FLT3LG: variants seen among roughly 807,000 people sequenced by gnomAD.
The protein encoded by FLT3LG is fms-related tyrosine kinase 3 ligand.
Under a neutral mutation model 30.9 loss-of-function variants are expected in FLT3LG, and 8 were observed. The ratio of observed to expected loss-of-function variants is 0.26; its 90% confidence interval spans 0.15 to 0.47. FLT3LG has a LOEUF of 0.47. Among genes scored for constraint, FLT3LG ranks in the 20% least tolerant of loss-of-function variants. FLT3LG has a pLI of 0.99. For synonymous variants in FLT3LG, 123 were observed against 135.9 expected, an observed-to-expected ratio of 0.91 and a Z score of 0.66; for missense variants, 278 against 306.2, an observed-to-expected ratio of 0.91 and a Z score of 0.69.
intron 2 of FLT3LG, among the ~76,000 whole-genome samples, 158 bp downstream of exon 2, chr19:49,474,830 CGGACAGAGGAGGGGGAGAT>C (rs2079317217): frequency 8.7e-6 from 1 of 114,946 alleles, no homozygotes; most frequent in Non-Finnish European, 1.7e-5. Flanking sequence ...GGAGAGGAGA[CGGACAGAGGAGGGGGAGAT>C]GGACAGAGGA....
intron 8 of FLT3LG, 69 bp downstream of exon 8, chr19:49,480,689 T>C: frequency 1.3e-6 from 2 of 1,491,848 alleles, no homozygotes; most frequent in South Asian, 1.2e-5. Context: ...TAGGAGGCCA[T>C]GGAAGGGTGG....
In FLT3LG at chr19:49,474,227, G is replaced by T; in HGVS notation, c.-92G>T. The T allele has an allele frequency of 4.5e-6, 1 of 220,566 alleles. No homozygotes were observed. Among genetic ancestry groups the T allele is most frequent in the Non-Finnish European group, 9.1e-6 (1 of 109,884 alleles). The allele number at this position is 220,566 out of a possible 1,614,324, so 13.7% of individuals were successfully genotyped here. A position where few individuals can be genotyped will look rare whatever the true frequency, so the allele number is the denominator to read the frequency against. On this transcript the variant is annotated 5_prime_UTR_variant, in exon 1 of 9. Transcript: ENST00000597551. Reference sequence around the variant, plus strand: ...CCCCCAAAAATTTCCTTTCACTTTCGGTCTCTGGCTGTCACCCGGCTTGGC... The same window carrying T: ...CCCCCAAAAATTTCCTTTCACTTTCTGTCTCTGGCTGTCACCCGGCTTGGC...
intron 6 of FLT3LG, 122 bp downstream of exon 6, chr19:49,479,169 C>T (rs927851160): frequency 2.1e-5 from 19 of 908,586 alleles, no homozygotes; most frequent in Middle Eastern, 2.4e-4. Context: ...CAAGCTTATT[C>T]CTCTTTCTGG....
intron 2 of FLT3LG, 25 bp from the exon 3 acceptor site, chr19:49,475,666 T>G: frequency 1.3e-6 from 2 of 1,598,610 alleles, no homozygotes; most frequent in Non-Finnish European, 1.7e-6. Flanking sequence ...AGCAGAGGGC[T>G]CCCCCAGCAC....
chr19:49,474,340 T>G, intron 1 of FLT3LG, 59 bp downstream of exon 1: 1 of 551,908 alleles, frequency 1.8e-6, no homozygotes, highest in East Asian at 3.1e-5. Context: ...TCCCCACTCC[T>G]GGGGCAGGGG....
intron 2 of FLT3LG, 103 bp downstream of exon 2, chr19:49,474,775 G>A (rs763948415): frequency 3.9e-5 from 48 of 1,236,584 alleles, no homozygotes; most frequent in Non-Finnish European, 5.0e-5. Context: ...GACAGATGAC[G>A]AGGAAATAGG....
chr19:49,477,926 G>A (rs976777649), intron 5 of FLT3LG, among the ~76,000 whole-genome samples: 10 of 150,878 alleles, frequency 6.6e-5, no homozygotes, highest in African/African-American at 2.4e-4. Context: ...CGCGCCTGTA[G>A]TCCCAGCTAC....
rs1450126885 is a variant in FLT3LG at position 49,476,241 on chromosome 19, C to T, written c.198+43C>T. 14 of 1,547,996 alleles carry T rather than the reference C, an allele frequency of 9.0e-6. No homozygotes were observed. Among genetic ancestry groups the T allele is most frequent in the Non-Finnish European group, 1.1e-5 (12 of 1,124,050 alleles). ...GGACCTGGGATGGAGGTGGGGACCACAGACTCAAGATGCTCCACCGAGGCG... is the reference window on the plus strand; with the variant it reads ...GGACCTGGGATGGAGGTGGGGACCATAGACTCAAGATGCTCCACCGAGGCG... On this transcript the variant is annotated intron_variant, in intron 4 of 8. Coordinates refer to ENST00000597551, the MANE Select transcript of FLT3LG (RefSeq NM_001459.4). This position sits in a 1 kb window ranked among gnomAD's most constrained non-coding sequence, Gnocchi z 5.3.
Position 49,478,159 on chromosome 19 carries a change from TATAA to T in FLT3LG, c.343-726_343-723del, listed in dbSNP as rs60871456. 1.0e-3 allele frequency among the ~76,000 whole-genome samples: 142 copies of T among 140,410 alleles called. 1 individual carries two copies. Among genetic ancestry groups the T allele is most frequent in the Middle Eastern group, 8.0e-3 (2 of 250 alleles). The allele number at this position is 140,410 out of a possible 152,430, so 92.1% of individuals were successfully genotyped here. On this transcript the variant is annotated intron_variant, in intron 5 of 8. Coordinates refer to ENST00000597551, the MANE Select transcript of FLT3LG (RefSeq NM_001459.4). Reference sequence around the variant, plus strand: ...GAGAAACCCCGTTTCTACTAAAAAATATAAATAAATAAATAAATAAATAAATAGG... The same window carrying T: ...GAGAAACCCCGTTTCTACTAAAAAATATAAATAAATAAATAAATAAATAGG...
intron 8 of FLT3LG, among the ~76,000 whole-genome samples, chr19:49,483,150 G>A (rs2079672476): frequency 6.6e-6 from 1 of 151,718 alleles, no homozygotes; most frequent in Non-Finnish European, 1.5e-5. Context: ...TTTTGAGATG[G>A]ATTCTCGCTC....
intron 2 of FLT3LG, among the ~76,000 whole-genome samples, chr19:49,475,255 A>AG (rs2079349178): frequency 1.0e-5 from 1 of 98,944 alleles, no homozygotes; most frequent in Non-Finnish European, 2.1e-5. Flanking sequence ...GATGGACAGA[A>AG]AAGGGGGGAG....
Position 49,475,703 on chromosome 19 carries a change from C to G in FLT3LG, c.46C>G (p.Leu16Val). The change falls in exon 3 of 9, where the codon CTG becomes GTG. Residue 16 changes from leucine (L) to valine (V), a missense_variant. Transcript: ENST00000597551. ...PAWSPTTYLL[L>V]LLLLSSGLSG... ...CGCTCCCCTGCAGACCTATCTCCTC[C>G]TGCTGCTGCTGCTGAGCTCGGGACT... 1 of 1,563,926 alleles carries G rather than the reference C, an allele frequency of 6.4e-7. No individual in the cohort carries two copies. The highest frequency in any genetic ancestry group is 8.7e-7 in the Non-Finnish European group (1 of 1,149,436).
At chr19:49,477,540 A>T (rs755067225) in intron 5 of FLT3LG, among the ~76,000 whole-genome samples, 4 of 150,324 alleles carry the variant, frequency 2.7e-5, no homozygotes, top group Non-Finnish European at 4.4e-5. Context: ...GGAGTTCGAG[A>T]CCAGCCTCGG....
rs1402015253 is a variant in FLT3LG, at chr19:49,478,376, T to A, written c.343-533T>A. Among the ~76,000 whole-genome samples the A allele has an allele frequency of 4.7e-5, 7 of 149,844 alleles. No homozygotes were observed. In the East Asian group the frequency reaches 1.0e-3, roughly 21 times the overall value. On this transcript the variant is annotated intron_variant, in intron 5 of 8. Coordinates refer to ENST00000597551, the MANE Select transcript of FLT3LG (RefSeq NM_001459.4). ...CAACTACCTGGGAGGCTGAGGCAGG[T>A]GAATGGCGTGAAACCAGGAGGCGGA...
In FLT3LG at chr19:49,478,898, C is replaced by T. The variant is rs201554548; in HGVS notation, c.343-11C>T. The T allele has an allele frequency of 5.2e-4, 788 of 1,518,530 alleles. 2 individuals carry two copies. The African/African-American group carries it at 9.5e-3, about 18-fold the overall frequency. The allele number at this position is 1,518,530 out of a possible 1,614,324, so 94.1% of individuals were successfully genotyped here. A position where few individuals can be genotyped will look rare whatever the true frequency, so the allele number is the denominator to read the frequency against. On this transcript the variant is annotated splice_polypyrimidine_tract_variant and intron_variant, in intron 5 of 8. Coordinates refer to ENST00000597551, the MANE Select transcript of FLT3LG (RefSeq NM_001459.4). ...TGACGTGGTGGTGACGTCTCCCTCCCCTGCTCCCAGCCCCCCCCCAGCTGT... is the reference window on the plus strand; with the variant it reads ...TGACGTGGTGGTGACGTCTCCCTCCTCTGCTCCCAGCCCCCCCCCAGCTGT...
intron 6 of FLT3LG, 125 bp downstream of exon 6, chr19:49,479,172 C>A: frequency 1.2e-6 from 1 of 829,124 alleles, no homozygotes; most frequent in Non-Finnish European, 1.7e-6. Flanking sequence ...GCTTATTCCT[C>A]TTTCTGGAGC....
At chr19:49,484,104 C>T (rs58766829) in intron 8 of FLT3LG, among the ~76,000 whole-genome samples, 1 of 150,512 alleles carries the variant, frequency 6.6e-6, no homozygotes, top group Admixed American at 6.6e-5. Context: ...AGGATTGTCT[C>T]GATCTCTTGA....
At position 49,480,271 on chromosome 19, in the gene FLT3LG, G is replaced by T. The variant is rs754683465; in HGVS notation, c.482-27G>T. 24 of 1,528,402 alleles carry T rather than the reference G, an allele frequency of 1.6e-5. No individual in the cohort carries two copies. The South Asian group carries it at 2.4e-4, about 15-fold the overall frequency. The allele number at this position is 1,528,402 out of a possible 1,614,324, so 94.7% of individuals were successfully genotyped here. On this transcript the variant is annotated intron_variant, in intron 6 of 8. Coordinates refer to ENST00000597551, the MANE Select transcript of FLT3LG (RefSeq NM_001459.4). ...TTCCTTACCCCAGCCCTTCTCCTTGGTCACCCAGCCTCCTCTTTCTCCCCA... is the reference window on the plus strand; with the variant it reads ...TTCCTTACCCCAGCCCTTCTCCTTGTTCACCCAGCCTCCTCTTTCTCCCCA...
chr19:49,476,135 T>A lies in FLT3LG; in HGVS notation c.145-10T>A. 1 of 1,613,894 alleles carries A rather than the reference T, an allele frequency of 6.2e-7. No individual in the cohort carries two copies. On this transcript the variant is annotated splice_polypyrimidine_tract_variant and intron_variant, in intron 3 of 8. Coordinates refer to ENST00000597551, the MANE Select transcript of FLT3LG (RefSeq NM_001459.4). The surrounding 1 kb of genome is among the most constrained non-coding windows in gnomAD (Gnocchi z 5.3). ...TTTTCAGCCAGGCCTGATCCTGTTT[T>A]CTCCCGCAGTCTGACTACCTGCTTC...
Sources: allele counts gnomAD v4.1 joint callset (sites outside exome capture counted in the v4.1 genomes callset), GRCh38; gene constraint gnomAD v4.1.1; non-coding constraint Gnocchi (gnomAD v3.1); transcripts MANE v1.5; gene names NCBI Gene and HGNC (gene_info 2026-07-23, HGNC 2026-07-21).